Variants in ZNF148 observed in about 807,000 individuals in gnomAD.
ZNF148 encodes the protein Beta-Enolase Repressor Factor-1.
A neutral mutation model predicts 67.7 loss-of-function variants in ZNF148; 7 were observed. The ratio of observed to expected loss-of-function variants is 0.10; its 90% CI spans 0.06 to 0.19. ZNF148 has a LOEUF of 0.19. Ranked by LOEUF, ZNF148 falls within the 10% of genes least tolerant of loss-of-function variation. The pLI, the probability that ZNF148 is intolerant of heterozygous loss-of-function variation, is 1.00. For missense variants in ZNF148, 583 were observed against 947.1 expected (o/e 0.62, Z 5.05); for synonymous variants, 333 against 330.7 (o/e 1.01, Z -0.08).
intron 4 of ZNF148, chr3:125,311,301 CT>C (rs1160610107): frequency 1.3e-5 from 2 of 153,356 alleles, no homozygotes; most frequent in Non-Finnish European, 2.9e-5. Flanking sequence ...GAAGTTCAAG[CT>C]TTGGATGATG....
intron 1 of ZNF148, among the ~76,000 whole-genome samples, chr3:125,339,199 T>C (rs932756145): frequency 2.0e-5 from 3 of 152,206 alleles, no homozygotes; most frequent in Admixed American, 6.5e-5. Context: ...CTTCTATTAA[T>C]GTACGGTGAA....
chr3:125,290,246 C>G (rs1394334427), intron 4 of ZNF148, among the ~76,000 whole-genome samples: 1 of 152,292 alleles, frequency 6.6e-6, no homozygotes, highest in East Asian at 1.9e-4. Context: ...CAGGTTAAGA[C>G]AGAAGTAGAG....
intron 7 of ZNF148, among the ~76,000 whole-genome samples, chr3:125,242,209 A>G (rs1936395817): frequency 6.6e-6 from 1 of 152,206 alleles, no homozygotes; most frequent in African/African-American, 2.4e-5. Context: ...GAATGTATCA[A>G]TCTTTTCTTT....
At chr3:125,278,241 C>T (rs1938179126) in intron 6 of ZNF148, among the ~76,000 whole-genome samples, 1 of 152,066 alleles carries the variant, frequency 6.6e-6, no homozygotes, top group South Asian at 2.1e-4. Context: ...ACCTTCAGAA[C>T]TTTCTAAACA....
intron 4 of ZNF148, among the ~76,000 whole-genome samples, chr3:125,294,576 G>T (rs1411946954): frequency 1.3e-5 from 2 of 152,182 alleles, no homozygotes; most frequent in Non-Finnish European, 2.9e-5. Flanking sequence ...ATGAGTTTGT[G>T]ATTCTGCCTC....
intron 3 of ZNF148, among the ~76,000 whole-genome samples, chr3:125,322,062 C>T (rs1298109923): frequency 5.2e-5 from 6 of 115,876 alleles, no homozygotes; most frequent in East Asian, 2.5e-4. Context: ...GAGAGAGTCT[C>T]GCTCTCACCC....
rs1301969180 is a variant in ZNF148 at position 125,226,272 on chromosome 3, T to C, written c.*6069A>G. The C allele has an allele frequency of 6.6e-6, 1 of 152,610 alleles. No individual in the cohort carries two copies. Among genetic ancestry groups the C allele is most frequent in the Non-Finnish European group, 1.5e-5 (1 of 68,040 alleles). 9.5% of individuals were successfully genotyped at this position (152,610 alleles called of 1,614,324 possible). A position where few individuals can be genotyped will look rare whatever the true frequency, so the allele number is the denominator to read the frequency against. On this transcript the variant is annotated 3_prime_UTR_variant, in exon 9 of 9. Transcript: ENST00000360647. ...AATTCCACACAGAAATTCTTTTCTC[T>C]TTACGGTTATATCTATGCACCATGA...
At chr3:125,359,690 A>G (rs926843331) in intron 1 of ZNF148, among the ~76,000 whole-genome samples, 3 of 152,210 alleles carry the variant, frequency 2.0e-5, no homozygotes, top group Non-Finnish European at 4.4e-5. Context: ...TGTCTCTATC[A>G]CTGACAATAT....
At chr3:125,264,399 G>A (rs1018719830) in intron 7 of ZNF148, among the ~76,000 whole-genome samples, 5 of 152,200 alleles carry the variant, frequency 3.3e-5, no homozygotes, top group East Asian at 1.9e-4. Flanking sequence ...AGGACAGCCG[G>A]CTGGTGTCCA....
intron 7 of ZNF148, among the ~76,000 whole-genome samples, chr3:125,244,709 G>A (rs956875065): frequency 4.6e-5 from 7 of 152,048 alleles, no homozygotes; most frequent in Admixed American, 6.5e-5. Flanking sequence ...TGTTGGCCAG[G>A]CTGGTCTTGA....
intron 4 of ZNF148, among the ~76,000 whole-genome samples, chr3:125,296,845 TAAAGTAATAAATA>T (rs1236912807): frequency 2.6e-5 from 4 of 151,970 alleles, no homozygotes. Flanking sequence ...TGGTTTAAGG[TAAAGTAATAAATA>T]TAAATAGGCA....
intron 4 of ZNF148, among the ~76,000 whole-genome samples, chr3:125,308,613 C>T (rs910313911): frequency 1.4e-5 from 2 of 147,678 alleles, no homozygotes; most frequent in Admixed American, 6.7e-5. Context: ...TACAGTATTA[C>T]AAAAGAACAA....
chr3:125,227,787 G>C lies in ZNF148; in HGVS notation c.*4554C>G, dbSNP rs1282426980. The C allele has an allele frequency of 6.6e-6, 1 of 152,540 alleles. No individual in the cohort carries two copies. The highest frequency in any genetic ancestry group is 1.5e-5 in the Non-Finnish European group (1 of 67,996). The allele number at this position is 152,540 out of a possible 1,614,324, so 9.4% of individuals were successfully genotyped here. On this transcript the variant is annotated 3_prime_UTR_variant, in exon 9 of 9. Coordinates refer to ENST00000360647, the MANE Select transcript of ZNF148 (RefSeq NM_021964.3). The stretch of plus-strand genomic sequence containing the variant: ...AGTGTACTAAAAAGTGACAGAAGTG[G>C]ACTAGCAAATCCTTCAAAGCACATT...
At chr3:125,347,285 C>T (rs1410269637) in intron 1 of ZNF148, among the ~76,000 whole-genome samples, 1 of 152,146 alleles carries the variant, frequency 6.6e-6, no homozygotes, top group African/African-American at 2.4e-5. Flanking sequence ...TGATTCAGTG[C>T]AACTCATATC....
rs1381136218 is a variant in ZNF148, at chr3:125,231,151, C to T, written c.*1190G>A. ...TTGTAAAGTTGTAATGAGCAGTGTT[C>T]ATTAAAAAGTAACTCAAGATAAAAT... On this transcript the variant is annotated 3_prime_UTR_variant, in exon 9 of 9. Coordinates refer to ENST00000360647, the MANE Select transcript of ZNF148 (RefSeq NM_021964.3). 1 of 152,446 alleles carries T rather than the reference C, an allele frequency of 6.6e-6. No homozygotes were observed. Among genetic ancestry groups the T allele is most frequent in the Non-Finnish European group, 1.5e-5 (1 of 67,924 alleles). The allele number at this position is 152,446 out of a possible 1,614,324, so 9.4% of individuals were successfully genotyped here.
chr3:125,267,094 C>G (rs1450370223), intron 7 of ZNF148, among the ~76,000 whole-genome samples: 4 of 150,784 alleles, frequency 2.7e-5, no homozygotes, highest in Non-Finnish European at 5.9e-5. Context: ...AAAAAAAGCC[C>G]TGGACCAGAT....
At chr3:125,303,182 A>G (rs1939686377) in intron 4 of ZNF148, among the ~76,000 whole-genome samples, 1 of 152,236 alleles carries the variant, frequency 6.6e-6, no homozygotes, top group Admixed American at 6.5e-5. Flanking sequence ...AATAAACAAC[A>G]GATTAAGGAT....
chr3:125,322,021 C>T (rs1018196579), intron 3 of ZNF148, among the ~76,000 whole-genome samples: 5 of 135,866 alleles, frequency 3.7e-5, no homozygotes, highest in African/African-American at 1.4e-4. Flanking sequence ...TTTAAATAAT[C>T]AACGGCTTTT....
At chr3:125,243,422 T>C (rs537632511) in intron 7 of ZNF148, among the ~76,000 whole-genome samples, 1 of 152,362 alleles carries the variant, frequency 6.6e-6, no homozygotes, top group South Asian at 2.1e-4. Context: ...GAAAATATTT[T>C]TTAACTTATT....
Sources: allele counts gnomAD v4.1 joint callset (sites outside exome capture counted in the v4.1 genomes callset), GRCh38; gene constraint gnomAD v4.1.1; transcripts MANE v1.5; gene names NCBI Gene and HGNC (gene_info 2026-07-23, HGNC 2026-07-21).